The following UBE3D variants were observed in gnomAD, a reference collection of about 807,000 sequenced individuals.
The protein encoded by UBE3D is E3 ubiquitin-protein ligase E3D.
In UBE3D, 48 loss-of-function variants were observed where a neutral mutation model predicts 49.6. That is an observed-to-expected ratio of 0.97 (90% confidence interval 0.77 to 1.23). The LOEUF is 1.23. UBE3D is among the 50% of genes most tolerant of loss of function. The probability of loss-of-function intolerance (pLI) is 0.00; values close to 1 mark genes in which losing one functional copy is unlikely to be tolerated. For missense variants in UBE3D, 452 were observed against 468.4 expected, an observed-to-expected ratio of 0.96 and a Z score of 0.32; for synonymous variants, 189 against 174.2, an observed-to-expected ratio of 1.08 and a Z score of -0.67.
intron 8 of UBE3D, among the ~76,000 whole-genome samples, chr6:82,993,066 T>C (rs188985982): frequency 1.2e-4 from 18 of 152,016 alleles, no homozygotes; most frequent in Admixed American, 1.2e-3. Flanking sequence ...AATAAAGCTT[T>C]CACCTTATCT....
intron 9 of UBE3D, among the ~76,000 whole-genome samples, chr6:82,923,057 T>C (rs1221119917): frequency 6.6e-6 from 1 of 152,078 alleles, no homozygotes; most frequent in East Asian, 1.9e-4. Flanking sequence ...AGTCAGGAAA[T>C]AACAAATGCT....
chr6:82,931,731 GTAAC>G (rs1774168385), intron 9 of UBE3D, among the ~76,000 whole-genome samples: 1 of 152,216 alleles, frequency 6.6e-6, no homozygotes, highest in Admixed American at 6.5e-5. Context: ...TATCTAGGAA[GTAAC>G]TAACTTGCTT....
intron 9 of UBE3D, among the ~76,000 whole-genome samples, chr6:82,918,837 T>C (rs920458485): frequency 2.6e-5 from 4 of 151,972 alleles, no homozygotes; most frequent in African/African-American, 7.3e-5. Flanking sequence ...CACTTCTCCC[T>C]AATTCCTCTT....
chr6:82,987,618 T>A (rs1315731590), intron 8 of UBE3D, among the ~76,000 whole-genome samples: 1 of 152,228 alleles, frequency 6.6e-6, no homozygotes, highest in African/African-American at 2.4e-5. Flanking sequence ...GGAATGCTTA[T>A]GATGCTAGTG....
chr6:82,917,317 AAAG>A (rs1289907325), intron 9 of UBE3D, among the ~76,000 whole-genome samples: 1 of 152,244 alleles, frequency 6.6e-6, no homozygotes, highest in Middle Eastern at 3.4e-3. Context: ...GCCCCTGAGA[AAAG>A]AAGGTCTGGA....
chr6:82,989,836 T>C (rs952495817), intron 8 of UBE3D, among the ~76,000 whole-genome samples: 2 of 152,218 alleles, frequency 1.3e-5, no homozygotes, highest in Non-Finnish European at 2.9e-5. Flanking sequence ...GAAACCTTTC[T>C]ATCTCATTTT....
At chr6:83,064,144 A>C (rs1254096665) in intron 1 of UBE3D, among the ~76,000 whole-genome samples, 3 of 152,270 alleles carry the variant, frequency 2.0e-5, no homozygotes, top group Non-Finnish European at 2.9e-5. Context: ...ACAAAAAAGT[A>C]TATATTGTAT....
In UBE3D at chr6:83,044,771, C is replaced by T. The variant is rs1782916464; in HGVS notation, c.366-112G>A. 1.2e-5 allele frequency: 10 copies of T among 839,588 alleles called. 1 individual carries two copies. The East Asian group carries it at 2.0e-4, about 17-fold the overall frequency. 52.0% of individuals were successfully genotyped at this position (839,588 alleles called of 1,614,324 possible). ...CTCATTAACCACAAGGTTTGCAATG[C>T]TAATTTTTTCCCCAATTATAAAAGT... On this transcript the variant is annotated intron_variant, in intron 3 of 9. Coordinates refer to ENST00000369747, the MANE Select transcript of UBE3D (RefSeq NM_198920.3).
intron 8 of UBE3D, among the ~76,000 whole-genome samples, chr6:82,985,564 A>G (rs1778423433): frequency 6.6e-6 from 1 of 152,064 alleles, no homozygotes; most frequent in African/African-American, 2.4e-5. Flanking sequence ...ATGTTTCACC[A>G]TGTTAGCCAG....
rs61225462 is a variant in UBE3D, at chr6:83,027,434, C to CAAAAAA, written c.668-3402_668-3397dup. On this transcript the variant is annotated intron_variant, in intron 5 of 9. Transcript: ENST00000369747. The stretch of plus-strand genomic sequence containing the variant: ...CTGGCGACAGAGCGAGACTCCGTCT[C>CAAAAAA]AAAAAAAAAAAAAAAAAAAAAAAAA... Among the ~76,000 whole-genome samples, 197 of 34,608 alleles carry CAAAAAA rather than the reference C, an allele frequency of 5.7e-3. 20 individuals are homozygous for CAAAAAA. Among genetic ancestry groups the CAAAAAA allele is most frequent in the Non-Finnish European group, 7.1e-3 (138 of 19,568 alleles). The allele number at this position is 34,608 out of a possible 152,430, so 22.7% of individuals were successfully genotyped here. A position where few individuals can be genotyped will look rare whatever the true frequency, so the allele number is the denominator to read the frequency against.
intron 5 of UBE3D, among the ~76,000 whole-genome samples, chr6:83,026,386 G>C (rs1237486697): frequency 2.0e-5 from 3 of 152,060 alleles, no homozygotes; most frequent in Non-Finnish European, 4.4e-5. Flanking sequence ...AGAAGTCTGA[G>C]GCTTCAATGA....
chr6:83,023,653 T>A (rs962598836), intron 6 of UBE3D, among the ~76,000 whole-genome samples: 2 of 152,210 alleles, frequency 1.3e-5, no homozygotes, highest in Non-Finnish European at 2.9e-5. Context: ...AAACATCGTA[T>A]GTTCTCCTTC....
chr6:82,894,499 G>A (rs541453364), intron 9 of UBE3D, among the ~76,000 whole-genome samples: 14 of 152,152 alleles, frequency 9.2e-5, no homozygotes, highest in African/African-American at 2.4e-4. Flanking sequence ...TGTAAGCAGC[G>A]GTGGGCTCTG....
chr6:82,939,615 G>A (rs1360105556), intron 9 of UBE3D, among the ~76,000 whole-genome samples: 2 of 152,174 alleles, frequency 1.3e-5, no homozygotes, highest in Non-Finnish European at 2.9e-5. Context: ...TGCCATATAG[G>A]CTTGCAGCCT....
chr6:82,885,390 A>G, the UBE3D span, among the ~76,000 whole-genome samples: 5 of 152,216 alleles, frequency 3.3e-5, no homozygotes, highest in Non-Finnish European at 5.9e-5. Flanking sequence ...GGGGTGGCAG[A>G]CCAGCAAATT....
At chr6:83,030,440 C>A (rs2127788423) in intron 5 of UBE3D, among the ~76,000 whole-genome samples, 1 of 152,298 alleles carries the variant, frequency 6.6e-6, no homozygotes, top group South Asian at 2.1e-4. Context: ...GCCTGCTACC[C>A]TGTAAGACCT....
chr6:83,037,710 C>A (rs1782363322), intron 5 of UBE3D: 1 of 152,164 alleles, frequency 6.6e-6, no homozygotes, highest in Admixed American at 6.5e-5. Flanking sequence ...GCTAACACAG[C>A]ATGTTGTAGT....
At chr6:82,968,526 T>C (rs963504115) in intron 8 of UBE3D, among the ~76,000 whole-genome samples, 3 of 152,218 alleles carry the variant, frequency 2.0e-5, no homozygotes, top group Non-Finnish European at 2.9e-5. Flanking sequence ...CTTGCTTACA[T>C]TTCTTTACAT....
intron 1 of UBE3D, among the ~76,000 whole-genome samples, chr6:83,064,164 T>C (rs1463945382): frequency 6.6e-6 from 1 of 152,218 alleles, no homozygotes; most frequent in African/African-American, 2.4e-5. Flanking sequence ...TGAATCCATT[T>C]ATAAGTAGTT....
Sources: gnomAD v4.1 joint callset for allele counts (sites outside exome capture counted in the v4.1 genomes callset) on GRCh38, gnomAD v4.1.1 for gene constraint, MANE v1.5 for transcripts, NCBI Gene and HGNC (gene_info 2026-07-23, HGNC 2026-07-21) for gene names.